Variants in METTL21A observed in about 807,000 individuals in gnomAD.
The protein encoded by METTL21A is protein N-lysine methyltransferase METTL21A.
Under a neutral mutation model 20.9 loss-of-function variants are expected in METTL21A, and 22 were observed. The ratio of observed to expected loss-of-function variants is 1.05; its 90% CI spans 0.75 to 1.50. The LOEUF (loss-of-function observed/expected upper bound fraction) is 1.50, where lower values mean the gene tolerates loss of function less well. Among genes scored for constraint, METTL21A ranks in the 40% most tolerant of loss-of-function variants. The pLI, the probability that METTL21A is intolerant of heterozygous loss-of-function variation, is 0.00. For synonymous variants in METTL21A, 93 were observed against 102.0 expected, an observed-to-expected ratio of 0.91 and a Z score of 0.53; for missense variants, 271 against 266.8, an observed-to-expected ratio of 1.02 and a Z score of -0.11.
chr2:207,584,854 C>A (rs2083540270), intron 3 of METTL21A, among the ~76,000 whole-genome samples: 1 of 152,136 alleles, frequency 6.6e-6, no homozygotes, highest in Admixed American at 6.5e-5. Context: ...TTCTTTCAGT[C>A]TGCAGCTTTT....
intron 2 of METTL21A, among the ~76,000 whole-genome samples, chr2:207,623,173 G>C (rs567020115): frequency 6.6e-6 from 1 of 152,190 alleles, no homozygotes; most frequent in Admixed American, 6.5e-5. Flanking sequence ...CAAACTGCTG[G>C]GATTACAGGT....
chr2:207,624,388 C>G (rs1423963729), exon 2 of METTL21A: 1 of 1,610,980 alleles, frequency 6.2e-7, no homozygotes, highest in Non-Finnish European at 8.5e-7. Flanking sequence ...CGCCTGCACC[C>G]CGCCCTCTGC....
intron 3 of METTL21A, among the ~76,000 whole-genome samples, chr2:207,583,465 A>C (rs2083294024): frequency 6.6e-6 from 1 of 152,226 alleles, no homozygotes; most frequent in African/African-American, 2.4e-5. Flanking sequence ...CATTGTGAGA[A>C]ACAGGATTAC....
downstream of METTL21A, among the ~76,000 whole-genome samples, chr2:207,607,317 C>T (rs566343915): frequency 1.3e-5 from 2 of 151,974 alleles, no homozygotes; most frequent in Non-Finnish European, 2.9e-5. Context: ...TGAACCCAGG[C>T]AGAGGCTGCA....
At chr2:207,621,114 C>T (rs1271227748) in intron 3 of METTL21A, among the ~76,000 whole-genome samples, 3 of 152,124 alleles carry the variant, frequency 2.0e-5, no homozygotes, top group Non-Finnish European at 4.4e-5. Flanking sequence ...AGCTGGTCTA[C>T]CCTTATGATT....
downstream of METTL21A, among the ~76,000 whole-genome samples, chr2:207,606,248 A>G (rs2088076543): frequency 6.6e-6 from 1 of 152,096 alleles, no homozygotes; most frequent in African/African-American, 2.4e-5. Context: ...GCCGAGGCAG[A>G]GGAGGGCAGA....
intron 3 of METTL21A, among the ~76,000 whole-genome samples, chr2:207,583,906 T>C (rs1489878641): frequency 2.0e-5 from 3 of 152,218 alleles, no homozygotes; most frequent in South Asian, 4.1e-4. Flanking sequence ...TTCCATAATC[T>C]CTTATAAATG....
chr2:207,582,203 AACC>A (rs1273511866), intron 3 of METTL21A: 1 of 702,860 alleles, frequency 1.4e-6, no homozygotes, highest in Admixed American at 2.0e-5. Flanking sequence ...CATATGTTAA[AACC>A]ACCACAGTAA....
intron 3 of METTL21A, among the ~76,000 whole-genome samples, chr2:207,613,752 A>G (rs1165386841): frequency 6.6e-6 from 1 of 151,140 alleles, no homozygotes; most frequent in East Asian, 2.0e-4. Flanking sequence ...GGGAGGCCAA[A>G]GCGGGTGGAT....
chr2:207,590,107 T>A lies in METTL21A; in HGVS notation c.260-7947A>T, dbSNP rs201775527. ...AGTTTTTTTTTTTTTTTTTTTTTTT[T>A]AATAGATACGGGATCATTCAGACTA... On this transcript the variant is annotated intron_variant, in intron 3 of 3. Transcript: ENST00000425132. Among the ~76,000 whole-genome samples, 516 of 135,642 alleles carry A rather than the reference T, an allele frequency of 3.8e-3. 1 individual carries two copies. The highest frequency in any genetic ancestry group is 0.012 in the Middle Eastern group (3 of 256). The allele number at this position is 135,642 out of a possible 152,430, so 89.0% of individuals were successfully genotyped here.
intron 3 of METTL21A, chr2:207,599,233 A>T (rs940447217): frequency 5.0e-6 from 1 of 200,858 alleles, no homozygotes; most frequent in Admixed American, 6.0e-5. Context: ...ATAGCATAAA[A>T]ATTGTGTAAC....
At chr2:207,583,923 T>C (rs1293959651) in intron 3 of METTL21A, among the ~76,000 whole-genome samples, 4 of 152,248 alleles carry the variant, frequency 2.6e-5, no homozygotes, top group Non-Finnish European at 5.9e-5. Context: ...AATGGTATCT[T>C]AAATTATAAT....
chr2:207,602,496 A>G (rs149111106), intron 3 of METTL21A: 408 of 204,986 alleles, frequency 2.0e-3, no homozygotes, highest in African/African-American at 8.1e-3. Flanking sequence ...TTACTTGCCT[A>G]TAGAAGTATG....
At chr2:207,581,633 C>A (rs769563565), downstream of METTL21A, 3 of 403,908 alleles carry the variant, frequency 7.4e-6, no homozygotes, top group Non-Finnish European at 1.3e-5. Context: ...TTTAAACTTA[C>A]AAAGGAGTTT....
At chr2:207,619,607 C>T (rs953505515) in intron 3 of METTL21A, among the ~76,000 whole-genome samples, 13 of 152,164 alleles carry the variant, frequency 8.5e-5, no homozygotes, top group East Asian at 3.9e-4. Context: ...AACACACATA[C>T]GCAGACATAT....
intron 3 of METTL21A, among the ~76,000 whole-genome samples, chr2:207,589,893 A>C (rs1428135582): frequency 6.6e-6 from 1 of 152,158 alleles, no homozygotes; most frequent in Non-Finnish European, 1.5e-5. Flanking sequence ...TTTATGGCTA[A>C]TATGGGATTT....
At chr2:207,616,322 T>C (rs2089733129) in intron 3 of METTL21A, among the ~76,000 whole-genome samples, 1 of 152,266 alleles carries the variant, frequency 6.6e-6, no homozygotes, top group African/African-American at 2.4e-5. Flanking sequence ...GTATTCATTT[T>C]ACCAGCTCAT....
At chr2:207,603,576 C>G (rs764361042) in intron 3 of METTL21A, 2 of 224,140 alleles carry the variant, frequency 8.9e-6, no homozygotes, top group Non-Finnish European at 8.9e-6. Flanking sequence ...CAGACAACAA[C>G]ATGTCTTCAG....
chr2:207,612,777 A>T lies in METTL21A; in HGVS notation c.*269T>A, dbSNP rs942315308. Reference sequence around the variant, plus strand: ...TGGAAACTGTTTATTAAAAGGGAGGAGTATGGGATACACAAATAGCATAAA... The same window carrying T: ...TGGAAACTGTTTATTAAAAGGGAGGTGTATGGGATACACAAATAGCATAAA... On this transcript the variant is annotated 3_prime_UTR_variant, in exon 4 of 4. Transcript: ENST00000406927. 36 of 300,052 alleles carry T rather than the reference A, an allele frequency of 1.2e-4. 1 individual carries two copies. Among genetic ancestry groups the T allele is most frequent in the African/African-American group, 6.7e-4 (31 of 46,458 alleles). The allele number at this position is 300,052 out of a possible 1,614,324, so 18.6% of individuals were successfully genotyped here.
Sources: gnomAD v4.1 joint callset for allele counts (sites outside exome capture counted in the v4.1 genomes callset) on GRCh38, gnomAD v4.1.1 for gene constraint, MANE v1.5 for transcripts, NCBI Gene and HGNC (gene_info 2026-07-23, HGNC 2026-07-21) for gene names.